The following COBL variants were observed in gnomAD, a reference collection of about 807,000 sequenced individuals.
COBL encodes the protein cordon-bleu WH2 repeat protein, also known as protein cordon-bleu.
In COBL, 51 loss-of-function variants were observed where a neutral mutation model predicts 98.8. That is an observed-to-expected ratio of 0.52 (90% CI 0.41 to 0.65). The LOEUF (loss-of-function observed/expected upper bound fraction) is 0.65. Among genes scored for constraint, COBL ranks in the 30% least tolerant of loss-of-function variants. COBL has a pLI of 0.00. For synonymous variants in COBL, 634 were observed against 651.7 expected, an observed-to-expected ratio of 0.97 and a Z score of 0.41; for missense variants, 1,617 against 1,617.5, an observed-to-expected ratio of 1.00 and a Z score of 0.01.
rs555919028 is a variant in COBL, at chr7:51,107,401, T to C, written c.958-22097A>G. Among the ~76,000 whole-genome samples, 190 of 152,278 alleles carry C rather than the reference T, an allele frequency of 1.2e-3. 5 individuals carry two copies. The highest frequency in any genetic ancestry group is 1.5e-3 in the South Asian group (7 of 4,824). ...CACACCCAGCCCTAGTATTTTTAAA[T>C]AGAGGTTTTAACATGGAGATCTCTT... On this transcript the variant is annotated intron_variant, in intron 6 of 12. Transcript: ENST00000265136.
chr7:51,045,646 A>T (rs1004587903), intron 7 of COBL, among the ~76,000 whole-genome samples: 3 of 152,320 alleles, frequency 2.0e-5, no homozygotes, highest in Non-Finnish European at 2.9e-5. Context: ...GGCCCCTTGG[A>T]GGAGGCCCTC....
intron 1 of COBL, among the ~76,000 whole-genome samples, chr7:51,226,331 T>G (rs1268839117): frequency 2.0e-5 from 3 of 152,202 alleles, no homozygotes; most frequent in Non-Finnish European, 1.5e-5. Flanking sequence ...CATGAGATTC[T>G]TCAGCAATAG....
intron 7 of COBL, among the ~76,000 whole-genome samples, chr7:51,050,031 C>T (rs994535302): frequency 1.3e-5 from 2 of 152,132 alleles, no homozygotes; most frequent in African/African-American, 2.4e-5. Context: ...TATTTAATAA[C>T]GTTTTATATT....
chr7:51,252,494 T>C (rs571491323), intron 1 of COBL, among the ~76,000 whole-genome samples: 1 of 152,326 alleles, frequency 6.6e-6, no homozygotes, highest in African/African-American at 2.4e-5. Flanking sequence ...ACGCATGCTC[T>C]GTGACTGGCT....
intron 1 of COBL, among the ~76,000 whole-genome samples, chr7:51,301,980 T>C (rs1802011178): frequency 6.6e-6 from 1 of 152,176 alleles, no homozygotes; most frequent in Non-Finnish European, 1.5e-5. Context: ...GCATGGCTCC[T>C]GAACAGTCAG....
intron 5 of COBL, among the ~76,000 whole-genome samples, chr7:51,152,667 A>C (rs1462540149): frequency 6.6e-6 from 1 of 152,226 alleles, no homozygotes; most frequent in Admixed American, 6.5e-5. Context: ...TCTGTTGCTA[A>C]GAGTTGGCAA....
chr7:51,256,583 C>T (rs1368324325), intron 1 of COBL, among the ~76,000 whole-genome samples: 2 of 152,236 alleles, frequency 1.3e-5, no homozygotes, highest in African/African-American at 2.4e-5. Flanking sequence ...CACCACTACC[C>T]GGATCCACAT....
At chr7:51,282,081 A>G (rs1164093944) in intron 1 of COBL, among the ~76,000 whole-genome samples, 1 of 152,144 alleles carries the variant, frequency 6.6e-6, no homozygotes, top group South Asian at 2.1e-4. Flanking sequence ...TTAAAATAAG[A>G]TACTAAAAAA....
chr7:51,088,805 T>C (rs184942493), intron 6 of COBL, among the ~76,000 whole-genome samples: 3 of 152,330 alleles, frequency 2.0e-5, no homozygotes, highest in Admixed American at 6.5e-5. Context: ...AGCTCGGCCA[T>C]CTTCTGCACA....
At chr7:51,301,238 C>T (rs574376044) in intron 1 of COBL, among the ~76,000 whole-genome samples, 7 of 152,308 alleles carry the variant, frequency 4.6e-5, no homozygotes, top group Admixed American at 3.9e-4. Flanking sequence ...CTGGAGGACG[C>T]TCACCCTTTA....
At position 51,113,812 on chromosome 7, in the gene COBL, G is replaced by C. The variant is rs115288735; in HGVS notation, c.957+22346C>G. ...AAACTTGAATTTGATGGAATTAAGT[G>C]TGGTTCTCTTCACATAACCTAAGGT... On this transcript the variant is annotated intron_variant, in intron 6 of 12. Transcript: ENST00000265136. 7.1e-3 allele frequency among the ~76,000 whole-genome samples: 1,078 copies of C among 152,278 alleles called. 15 individuals carry two copies. Among genetic ancestry groups the C allele is most frequent in the African/African-American group, 0.024 (1,016 of 41,546 alleles).
intron 2 of COBL, among the ~76,000 whole-genome samples, chr7:51,200,716 G>T (rs149183839): frequency 6.6e-6 from 1 of 152,254 alleles, no homozygotes; most frequent in East Asian, 1.9e-4. Context: ...AGAGGAGTAA[G>T]AGAACTATAA....
intron 1 of COBL, among the ~76,000 whole-genome samples, chr7:51,308,528 A>T (rs2129213917): frequency 6.6e-6 from 1 of 152,328 alleles, no homozygotes; most frequent in Non-Finnish European, 1.5e-5. Flanking sequence ...GTAATTGCAA[A>T]GTTAATCCAT....
intron 1 of COBL, among the ~76,000 whole-genome samples, chr7:51,261,456 A>G (rs1797709934): frequency 6.6e-6 from 1 of 152,220 alleles, no homozygotes; most frequent in South Asian, 2.1e-4. Context: ...TATCTGTGCA[A>G]TGAATGAATG....
chr7:51,156,460 C>T, intron 5 of COBL: 1 of 985,216 alleles, frequency 1.0e-6, no homozygotes, highest in Non-Finnish European at 1.2e-6. Flanking sequence ...CAGGAAGCAT[C>T]ACCCAGAATT....
intron 8 of COBL, 134 bp downstream of exon 8, chr7:51,043,249 T>C: frequency 2.9e-6 from 2 of 701,354 alleles, no homozygotes; most frequent in Non-Finnish European, 4.8e-6. Context: ...GAGCAGCTGC[T>C]GTGAATCAGG....
intron 6 of COBL, among the ~76,000 whole-genome samples, chr7:51,112,893 C>G (rs1463620210): frequency 6.6e-6 from 1 of 152,156 alleles, no homozygotes; most frequent in Non-Finnish European, 1.5e-5. Flanking sequence ...CAAGCATACT[C>G]AAGTATCATC....
chr7:51,181,449 C>T (rs902825999), intron 5 of COBL, among the ~76,000 whole-genome samples: 6 of 152,138 alleles, frequency 3.9e-5, no homozygotes, highest in South Asian at 2.1e-4. Flanking sequence ...ACTCATCTGC[C>T]GCAGTTCAGG....
rs145619235 is a variant in COBL at position 51,025,126 on chromosome 7, C to G, written c.3751G>C (p.Ala1251Pro). ...GCCATCACCTTTCTCAGTCTCGCAGCCCCTGTGCCGGAGCGGATGGCGTCC... is the reference window on the plus strand; with the variant it reads ...GCCATCACCTTTCTCAGTCTCGCAGGCCCTGTGCCGGAGCGGATGGCGTCC... Reference protein sequence around the residue: ...LMDAIRSGTGAARLRKVPLLV With the variant: ...LMDAIRSGTGPARLRKVPLLV Residue 1251 changes from alanine (A) to proline (P), a missense_variant, in exon 12 of 13, where the codon GCT (alanine) becomes CCT (proline). Ala to Pro is a conservative substitution (Grantham distance 27). This residue lies in a region of COBL where 1,304 missense variants were observed against 1,282.0 expected (regional missense o/e 1.02). Coordinates refer to ENST00000265136, the MANE Select transcript of COBL (RefSeq NM_015198.5). 5.6e-6 allele frequency: 9 copies of G among 1,611,864 alleles called. No homozygotes were observed. The African/African-American group carries it at 1.2e-4, about 22-fold the overall frequency.
Sources: allele counts gnomAD v4.1 joint callset (sites outside exome capture counted in the v4.1 genomes callset), GRCh38; gene constraint gnomAD v4.1.1; regional missense constraint gnomAD v4.1.1; transcripts MANE v1.5; gene names NCBI Gene and HGNC (gene_info 2026-07-23, HGNC 2026-07-21).